Variants in ELMO1 observed in about 807,000 individuals in gnomAD.
The protein encoded by ELMO1 is engulfment and cell motility protein 1.
ELMO1 carries 26 observed loss-of-function variants against 98.9 expected under a neutral mutation model. The observed-to-expected ratio is 0.26, with a 90% CI of 0.19 to 0.36. The LOEUF is 0.36. ELMO1 is among the 10% of genes least tolerant of loss of function. The pLI is 1.00. For missense variants in ELMO1, 627 were observed against 935.2 expected, an observed-to-expected ratio of 0.67 and a Z score of 4.30; for synonymous variants, 346 against 346.0, an observed-to-expected ratio of 1.00 and a Z score of 0.00.
At chr7:37,314,301 G>A (rs1411602616) in intron 4 of ELMO1, among the ~76,000 whole-genome samples, 1 of 152,106 alleles carries the variant, frequency 6.6e-6, no homozygotes, top group African/African-American at 2.4e-5. Context: ...CAGGGATCTT[G>A]TACATATTAA....
At chr7:37,171,387 T>C (rs1395594515) in intron 13 of ELMO1, among the ~76,000 whole-genome samples, 3 of 151,364 alleles carry the variant, frequency 2.0e-5, no homozygotes, top group Non-Finnish European at 4.4e-5. Flanking sequence ...CATAAAAATA[T>C]AGATACAGCA....
chr7:37,099,144 T>C (rs954522060), intron 14 of ELMO1, among the ~76,000 whole-genome samples: 1 of 152,218 alleles, frequency 6.6e-6, no homozygotes, highest in Non-Finnish European at 1.5e-5. Context: ...TCTTTATTTT[T>C]TAATGCACCA....
chr7:37,167,840 T>G (rs1249047514), intron 13 of ELMO1, among the ~76,000 whole-genome samples: 1 of 150,372 alleles, frequency 6.7e-6, no homozygotes, highest in East Asian at 2.0e-4. Context: ...TCTCGAGGAG[T>G]ATCTTTGTGG....
chr7:37,249,450 A>C (rs1321704593), intron 6 of ELMO1, among the ~76,000 whole-genome samples: 1 of 152,218 alleles, frequency 6.6e-6, no homozygotes, highest in Admixed American at 6.5e-5. Flanking sequence ...GACTCCTTCC[A>C]ATGTTCCTAA....
At chr7:37,133,058 T>C in intron 14 of ELMO1, 72 bp downstream of exon 14, 3 of 1,176,882 alleles carry the variant, frequency 2.5e-6, no homozygotes, top group Non-Finnish European at 3.6e-6. Context: ...AGGTAATCCC[T>C]CCGTATTTGT....
chr7:37,207,486 G>C (rs1792703595), intron 13 of ELMO1, among the ~76,000 whole-genome samples: 1 of 152,022 alleles, frequency 6.6e-6, no homozygotes, highest in African/African-American at 2.4e-5. Flanking sequence ...GGGAGATGGA[G>C]GTTACAGTGA....
At chr7:37,014,404 CTATTT>C (rs1386916937) in intron 15 of ELMO1, among the ~76,000 whole-genome samples, 1 of 151,954 alleles carries the variant, frequency 6.6e-6, no homozygotes, top group African/African-American at 2.4e-5. Flanking sequence ...GAAAGTCTTT[CTATTT>C]TATTTGGAAT....
At chr7:37,393,018 C>CATT (rs1803148500) in intron 1 of ELMO1, among the ~76,000 whole-genome samples, 1 of 152,198 alleles carries the variant, frequency 6.6e-6, no homozygotes, top group African/African-American at 2.4e-5. Context: ...ACCCCCAACT[C>CATT]ATTCCAAGGT....
chr7:37,406,831 T>A (rs1425221303), intron 1 of ELMO1, among the ~76,000 whole-genome samples: 1 of 152,168 alleles, frequency 6.6e-6, no homozygotes, highest in Non-Finnish European at 1.5e-5. Flanking sequence ...TAAAATGGTA[T>A]GACTCACTAA....
intron 8 of ELMO1, among the ~76,000 whole-genome samples, chr7:37,229,062 G>C (rs1412577843): frequency 3.3e-5 from 5 of 152,106 alleles, no homozygotes; most frequent in African/African-American, 1.2e-4. Context: ...AAATTATCTA[G>C]GTAGATGCCT....
At chr7:37,264,840 T>G (rs1796160075) in intron 5 of ELMO1, among the ~76,000 whole-genome samples, 1 of 152,142 alleles carries the variant, frequency 6.6e-6, no homozygotes, top group Non-Finnish European at 1.5e-5. Flanking sequence ...TTCTCTCTCT[T>G]GAAGATACAA....
chr7:37,121,296 A>G (rs1786015363), intron 14 of ELMO1, among the ~76,000 whole-genome samples: 2 of 152,256 alleles, frequency 1.3e-5, no homozygotes, highest in Non-Finnish European at 2.9e-5. Context: ...ACAAGTTCAG[A>G]GAAGAAGGCT....
chr7:37,082,072 C>T (rs1379919454), intron 15 of ELMO1, among the ~76,000 whole-genome samples: 1 of 152,162 alleles, frequency 6.6e-6, no homozygotes, highest in Non-Finnish European at 1.5e-5. Context: ...GTATGACTTG[C>T]AGAAATGTTA....
At position 37,253,690 on chromosome 7, in the gene ELMO1, C is replaced by T. The variant is rs6944751; in HGVS notation, c.413+5491G>A. On this transcript the variant is annotated intron_variant, in intron 6 of 21. Transcript: ENST00000310758. ...TGTATACCTATGTAGCAAACCTGCA[C>T]GTTCTGCACATGTATCCAAGAACTT... Among the ~76,000 whole-genome samples the T allele has an allele frequency of 4.7e-5, 7 of 148,292 alleles. No homozygotes were observed. The East Asian group carries it at 9.9e-4, about 21-fold the overall frequency.
At chr7:36,999,190 A>G (rs1450820005) in intron 16 of ELMO1, among the ~76,000 whole-genome samples, 1 of 152,188 alleles carries the variant, frequency 6.6e-6, no homozygotes, top group East Asian at 1.9e-4. Flanking sequence ...GAGCTGGACT[A>G]GAATCCATGC....
At chr7:37,192,084 G>A (rs1007722986) in intron 13 of ELMO1, among the ~76,000 whole-genome samples, 2 of 152,262 alleles carry the variant, frequency 1.3e-5, no homozygotes, top group East Asian at 3.9e-4. Flanking sequence ...GTGTTTGCCT[G>A]TGGAAGGTGG....
intron 15 of ELMO1, among the ~76,000 whole-genome samples, chr7:37,027,273 C>T (rs993542429): frequency 7.9e-5 from 12 of 152,178 alleles, no homozygotes; most frequent in Admixed American, 7.2e-4. Context: ...AATCTGATTA[C>T]GTTTTTAAAA....
At chr7:37,045,797 A>G (rs1795764981) in intron 15 of ELMO1, among the ~76,000 whole-genome samples, 2 of 152,230 alleles carry the variant, frequency 1.3e-5, no homozygotes, top group South Asian at 4.1e-4. Context: ...AGTATCTTTC[A>G]TGCAATGCTT....
intron 16 of ELMO1, among the ~76,000 whole-genome samples, chr7:36,901,015 C>CT (rs145263596): frequency 0.063 from 9,607 of 152,248 alleles, 387 homozygotes; most frequent in South Asian, 0.18. Flanking sequence ...GGGCTACACT[C>CT]TAAGGGTACA....
Sources: allele counts gnomAD v4.1 joint callset (sites outside exome capture counted in the v4.1 genomes callset), GRCh38; gene constraint gnomAD v4.1.1; transcripts MANE v1.5; gene names NCBI Gene and HGNC (gene_info 2026-07-23, HGNC 2026-07-21).